Variants in AGBL4 observed in about 807,000 individuals in gnomAD.
AGBL4 encodes cytosolic carboxypeptidase 6.
Under a neutral mutation model 66.4 loss-of-function variants are expected in AGBL4, and 58 were observed. The observed-to-expected ratio is 0.87, with a 90% CI of 0.71 to 1.09. AGBL4 has a LOEUF of 1.09. Among genes scored for constraint, AGBL4 ranks in the 50% least tolerant of loss-of-function variants. AGBL4 has a pLI of 0.00. For missense variants in AGBL4, 579 were observed against 631.0 expected, an observed-to-expected ratio of 0.92 and a Z score of 0.88; for synonymous variants, 234 against 222.9, an observed-to-expected ratio of 1.05 and a Z score of -0.44.
intron 6 of AGBL4, among the ~76,000 whole-genome samples, chr1:48,814,828 A>G (rs1646137484): frequency 6.6e-6 from 1 of 152,094 alleles, no homozygotes; most frequent in Non-Finnish European, 1.5e-5. Context: ...ACCTAGATCT[A>G]CATCTTGGCT....
chr1:48,730,198 G>A (rs1277671785), intron 6 of AGBL4, among the ~76,000 whole-genome samples: 1 of 152,098 alleles, frequency 6.6e-6, no homozygotes, highest in Non-Finnish European at 1.5e-5. Flanking sequence ...CCCCCCAACA[G>A]ACTGGGACAC....
intron 6 of AGBL4, among the ~76,000 whole-genome samples, chr1:48,707,596 A>G (rs1646901281): frequency 6.6e-6 from 1 of 152,164 alleles, no homozygotes; most frequent in Admixed American, 6.5e-5. Context: ...CCAGTGACAA[A>G]GACTAATCTT....
chr1:48,535,090 T>C (rs1036530706), intron 12 of AGBL4, among the ~76,000 whole-genome samples, 174 bp from the exon 13 acceptor site: 2 of 152,122 alleles, frequency 1.3e-5, no homozygotes, highest in Admixed American at 1.3e-4. Context: ...GATTTGGTCA[T>C]AGCTGGGGCA....
At chr1:49,680,786 A>G (rs1646677897) in intron 3 of AGBL4, among the ~76,000 whole-genome samples, 1 of 152,064 alleles carries the variant, frequency 6.6e-6, no homozygotes, top group Admixed American at 6.6e-5. Flanking sequence ...CATTATTTGT[A>G]TGAATGATTT....
chr1:49,131,047 T>G (rs1177342610), intron 4 of AGBL4, among the ~76,000 whole-genome samples: 1 of 152,126 alleles, frequency 6.6e-6, no homozygotes, highest in African/African-American at 2.4e-5. Flanking sequence ...TTATAGCATA[T>G]GTATCGATGG....
At chr1:49,677,987 G>A (rs920791279) in intron 3 of AGBL4, among the ~76,000 whole-genome samples, 1 of 152,080 alleles carries the variant, frequency 6.6e-6, no homozygotes, top group East Asian at 1.9e-4. Flanking sequence ...ATTTTGTTAC[G>A]GCACCTAAAG....
chr1:49,098,339 T>A (rs1645143770), intron 4 of AGBL4, among the ~76,000 whole-genome samples: 1 of 152,214 alleles, frequency 6.6e-6, no homozygotes, highest in Admixed American at 6.5e-5. Flanking sequence ...TGTAGTTATG[T>A]CCCAGCCCTT....
rs12028700 is a variant in AGBL4, at chr1:48,957,885, C to T, written c.594+87699G>A. 2.3e-4 allele frequency among the ~76,000 whole-genome samples: 35 copies of T among 152,244 alleles called. 2 individuals are homozygous for T. The East Asian group carries it at 6.6e-3, about 29-fold the overall frequency. Reference sequence around the variant, plus strand: ...GATCTTTCCAAAACACAACTCTGACCGAATCACTCTCCTCTGGTCAAAACT... The same window carrying T: ...GATCTTTCCAAAACACAACTCTGACTGAATCACTCTCCTCTGGTCAAAACT... On this transcript the variant is annotated intron_variant, in intron 5 of 13. Coordinates refer to ENST00000371839, the MANE Select transcript of AGBL4 (RefSeq NM_032785.4).
chr1:49,757,937 C>T (rs1216611229), intron 2 of AGBL4, among the ~76,000 whole-genome samples: 2 of 152,138 alleles, frequency 1.3e-5, no homozygotes, highest in Non-Finnish European at 2.9e-5. Flanking sequence ...GAAAACGTCT[C>T]CAGGGCATGT....
chr1:48,638,354 A>T (rs1645701410), intron 8 of AGBL4, among the ~76,000 whole-genome samples: 1 of 152,092 alleles, frequency 6.6e-6, no homozygotes, highest in Non-Finnish European at 1.5e-5. Flanking sequence ...GATCTTTTTT[A>T]AATTTATTTT....
rs554077458 is a variant in AGBL4, at chr1:49,168,045, G to T, written c.377+77725C>A. ...CAGAGATAATTTTAAGTGTATGGGA[G>T]GATGTGTAGGTTATATGCAAATGCT... On this transcript the variant is annotated intron_variant, in intron 4 of 13. Coordinates refer to ENST00000371839, the MANE Select transcript of AGBL4 (RefSeq NM_032785.4). Among the ~76,000 whole-genome samples the T allele has an allele frequency of 1.6e-3, 242 of 152,326 alleles. 4 individuals are homozygous for T. The highest frequency in any genetic ancestry group is 5.7e-3 in the African/African-American group (235 of 41,580).
intron 3 of AGBL4, among the ~76,000 whole-genome samples, chr1:49,395,238 C>T (rs1020139069): frequency 1.3e-5 from 2 of 152,036 alleles, no homozygotes; most frequent in African/African-American, 4.8e-5. Context: ...AAAATGTGGT[C>T]TCATGGTACC....
intron 5 of AGBL4, among the ~76,000 whole-genome samples, chr1:49,009,845 C>T (rs1182188941): frequency 6.6e-6 from 1 of 152,124 alleles, no homozygotes; most frequent in Non-Finnish European, 1.5e-5. Flanking sequence ...ATGCTAGAAA[C>T]TCTCAATAAA....
chr1:49,169,870 C>T (rs1646702092), intron 4 of AGBL4, among the ~76,000 whole-genome samples: 1 of 152,180 alleles, frequency 6.6e-6, no homozygotes, highest in South Asian at 2.1e-4. Context: ...TGCCTTTCCA[C>T]TAAACCATGC....
intron 4 of AGBL4, among the ~76,000 whole-genome samples, chr1:49,094,528 G>A (rs1324567745): frequency 2.0e-5 from 3 of 152,100 alleles, no homozygotes; most frequent in African/African-American, 4.8e-5. Context: ...TGCATCCCAG[G>A]GATGAAGCCC....
chr1:48,659,362 T>C (rs921795142), intron 7 of AGBL4, among the ~76,000 whole-genome samples: 7 of 152,190 alleles, frequency 4.6e-5, no homozygotes, highest in African/African-American at 1.7e-4. Flanking sequence ...CTCAGGCCCA[T>C]CAAACTCCAA....
intron 4 of AGBL4, among the ~76,000 whole-genome samples, chr1:49,129,231 TG>T (rs1163419580): frequency 6.6e-6 from 1 of 152,096 alleles, no homozygotes. Context: ...CAGAGAAACC[TG>T]AACTTTTATA....
At chr1:48,619,553 A>G (rs1645374653) in intron 9 of AGBL4, among the ~76,000 whole-genome samples, 2 of 152,120 alleles carry the variant, frequency 1.3e-5, no homozygotes, top group Non-Finnish European at 2.9e-5. Context: ...CCCTGCTTTC[A>G]TTCACCCCAC....
At chr1:48,590,779 G>T in intron 10 of AGBL4, 54 bp downstream of exon 10, 1 of 1,528,010 alleles carries the variant, frequency 6.5e-7, no homozygotes, top group Admixed American at 2.0e-5. Flanking sequence ...GAAGGAAGAC[G>T]GGGAGGCAGG....
Sources: allele counts gnomAD v4.1 joint callset (sites outside exome capture counted in the v4.1 genomes callset), GRCh38; gene constraint gnomAD v4.1.1; transcripts MANE v1.5; gene names NCBI Gene and HGNC (gene_info 2026-07-23, HGNC 2026-07-21).